AJAP1: variants seen among roughly 807,000 people sequenced by gnomAD.
The protein encoded by AJAP1 is adherens junctions associated protein 1.
A neutral mutation model predicts 35.0 loss-of-function variants in AJAP1; 5 were observed. The ratio of observed to expected loss-of-function variants is 0.14; its 90% CI spans 0.07 to 0.30. The LOEUF (loss-of-function observed/expected upper bound fraction) is 0.30, where lower values mean the gene tolerates loss of function less well. AJAP1 is among the 10% of genes least tolerant of loss of function. The pLI is 1.00. For missense variants in AJAP1, 586 were observed against 571.0 expected (o/e 1.03, Z -0.27); for synonymous variants, 284 against 249.3 (o/e 1.14, Z -1.31).
intron 2 of AJAP1, among the ~76,000 whole-genome samples, chr1:4,719,587 C>A (rs1398469997): frequency 6.6e-6 from 1 of 152,106 alleles, no homozygotes; most frequent in Non-Finnish European, 1.5e-5. Flanking sequence ...GTAGGCAGAG[C>A]TCCTGCAGGC....
At chr1:4,668,667 G>T (rs1326884705) in intron 1 of AJAP1, among the ~76,000 whole-genome samples, 2 of 152,192 alleles carry the variant, frequency 1.3e-5, no homozygotes, top group African/African-American at 4.8e-5. Flanking sequence ...TCAGTCCTGG[G>T]ACGGGGATTC....
chr1:4,766,412 C>T (rs921368358), intron 2 of AJAP1, among the ~76,000 whole-genome samples: 6 of 152,244 alleles, frequency 3.9e-5, no homozygotes, highest in South Asian at 2.1e-4. Flanking sequence ...AAACACCACA[C>T]GACTTCTCCC....
intron 3 of AJAP1, 97 bp from the exon 4 acceptor site, chr1:4,772,183 C>T (rs996832376): frequency 4.0e-6 from 6 of 1,507,182 alleles, no homozygotes; most frequent in Non-Finnish European, 5.4e-6. Flanking sequence ...GCGTAGCTCA[C>T]GCCTGCAAGC....
chr1:4,693,511 C>CGA lies in AJAP1; in HGVS notation c.30-18389_30-18388insGA, dbSNP rs1639790305. 6.6e-6 allele frequency among the ~76,000 whole-genome samples: 1 copy of CGA among 152,134 alleles called. No homozygotes were observed. The highest frequency in any genetic ancestry group is 1.5e-5 in the Non-Finnish European group (1 of 68,026). On this transcript the variant is annotated intron_variant, in intron 1 of 5. Transcript: ENST00000378191. The surrounding 1 kb of genome is among the most constrained non-coding windows in gnomAD (Gnocchi z 4.4). Reference sequence around the variant, plus strand: ...CCAGCTGGCTGCAGAATGGCCCTTCCTCCCCACGTGGGGCTGACAGCCTGT... The same window carrying CGA: ...CCAGCTGGCTGCAGAATGGCCCTTCCGATCCCCACGTGGGGCTGACAGCCTGT...
chr1:4,712,482 C>T lies in AJAP1; in HGVS notation c.612C>T (p.Thr204=). The T allele has an allele frequency of 6.2e-7, 1 of 1,612,376 alleles. No individual in the cohort carries two copies. Among genetic ancestry groups the T allele is most frequent in the Non-Finnish European group, 8.5e-7 (1 of 1,179,438 alleles). The change falls in exon 2 of 6, where the codon ACC becomes ACT. Residue 204 remains threonine (T), a synonymous_variant. Transcript: ENST00000378191. ...SNTFPGVYGP[T]TVSILQTRKT... ...CATTTCCGGGCGTTTACGGCCCCAC[C>T]ACGGTCTCCATCCTACAAACACGGA...
chr1:4,678,034 G>A (rs1639399690), intron 1 of AJAP1, among the ~76,000 whole-genome samples: 1 of 152,184 alleles, frequency 6.6e-6, no homozygotes, highest in Non-Finnish European at 1.5e-5. Context: ...CAGTGGGGTG[G>A]GTTGATGCAT....
chr1:4,764,109 C>A (rs986669878), intron 2 of AJAP1, among the ~76,000 whole-genome samples: 1 of 152,102 alleles, frequency 6.6e-6, no homozygotes, highest in African/African-American at 2.4e-5. Flanking sequence ...AGACAGAAGA[C>A]CATGGGATTT....
intron 2 of AJAP1, among the ~76,000 whole-genome samples, chr1:4,764,771 G>T (rs143841020): frequency 0.014 from 2,106 of 152,188 alleles, 46 homozygotes; most frequent in African/African-American, 0.048. Context: ...CATCACTCCC[G>T]CCATCATCCA....
chr1:4,764,213 T>C (rs988830102), intron 2 of AJAP1, among the ~76,000 whole-genome samples: 1 of 152,240 alleles, frequency 6.6e-6, no homozygotes, highest in African/African-American at 2.4e-5. Flanking sequence ...TGGAGAACCC[T>C]GACGAATACA....
intron 2 of AJAP1, among the ~76,000 whole-genome samples, chr1:4,725,881 C>T (rs1002411523): frequency 6.6e-6 from 1 of 152,196 alleles, no homozygotes; most frequent in Non-Finnish European, 1.5e-5. Flanking sequence ...GATTAGAGTC[C>T]ACCCTAATGA....
At chr1:4,760,713 A>G (rs944249002) in intron 2 of AJAP1, among the ~76,000 whole-genome samples, 1 of 152,230 alleles carries the variant, frequency 6.6e-6, no homozygotes, top group Non-Finnish European at 1.5e-5. Context: ...CATAGTCATT[A>G]TATTCAATTC....
At chr1:4,674,765 G>C (rs1180436455) in intron 1 of AJAP1, among the ~76,000 whole-genome samples, 5 of 152,222 alleles carry the variant, frequency 3.3e-5, no homozygotes, top group African/African-American at 9.6e-5. Context: ...AGAGTGAGCA[G>C]GCAGCATTCT....
At chr1:4,748,816 C>A (rs1044593759) in intron 2 of AJAP1, among the ~76,000 whole-genome samples, 3 of 151,666 alleles carry the variant, frequency 2.0e-5, no homozygotes, top group Admixed American at 1.3e-4. Context: ...GACAGGGCAC[C>A]CTGGAGTCTT....
chr1:4,736,368 G>A lies in AJAP1; in HGVS notation c.829+23669G>A, dbSNP rs536578693. Among the ~76,000 whole-genome samples, 137 of 152,294 alleles carry A rather than the reference G, an allele frequency of 9.0e-4. 5 individuals are homozygous for A. In the South Asian group the frequency reaches 0.027, roughly 30 times the overall value. The stretch of plus-strand genomic sequence containing the variant: ...CCTGTTGCCCGCTGCGCTGTGCGCA[G>A]CCCTCCCTTTCCCACGGTCTTGGCT... On this transcript the variant is annotated intron_variant, in intron 2 of 5. Transcript: ENST00000378191.
chr1:4,778,571 A>ATCTC (rs141390632), intron 5 of AJAP1, among the ~76,000 whole-genome samples: 7,242 of 142,594 alleles, frequency 0.051, 202 homozygotes, highest in South Asian at 0.11. Context: ...GATTGGCGCC[A>ATCTC]TCTCTCTCTC....
chr1:4,672,218 A>G (rs183631522), intron 1 of AJAP1, among the ~76,000 whole-genome samples: 1 of 152,280 alleles, frequency 6.6e-6, no homozygotes, highest in African/African-American at 2.4e-5. Flanking sequence ...CTTTATTGCC[A>G]CCAAATGTCA....
Position 4,737,564 on chromosome 1 carries a change from A to T in AJAP1, c.829+24865A>T, listed in dbSNP as rs139707135. On this transcript the variant is annotated intron_variant, in intron 2 of 5. Transcript: ENST00000378191. ...CTGCATAGGCAGGGCCAGGGTGCCC[A>T]GGTCCCAGACTCCTGAGGCCCTTGT... 7.6e-4 allele frequency among the ~76,000 whole-genome samples: 116 copies of T among 151,820 alleles called. 1 individual carries two copies. The East Asian group carries it at 0.015, about 20-fold the overall frequency.
intron 2 of AJAP1, among the ~76,000 whole-genome samples, chr1:4,766,474 TGAA>T (rs1641687708): frequency 6.6e-6 from 1 of 152,208 alleles, no homozygotes; most frequent in African/African-American, 2.4e-5. Flanking sequence ...GAGGAAATAA[TGAA>T]GAACCCTTAT....
chr1:4,782,729 G>A lies in AJAP1; in HGVS notation c.*244G>A, dbSNP rs993221685. Reference sequence around the variant, plus strand: ...TGTAAAAATGCTCATGCCTATGGGTGACTGCCTTCTCCCAGAGTTTTCTTT... The same window carrying A: ...TGTAAAAATGCTCATGCCTATGGGTAACTGCCTTCTCCCAGAGTTTTCTTT... On this transcript the variant is annotated 3_prime_UTR_variant, in exon 6 of 6. Coordinates refer to ENST00000378191, the MANE Select transcript of AJAP1 (RefSeq NM_018836.4). This position sits in a 1 kb window ranked among gnomAD's most constrained non-coding sequence, Gnocchi z 5.3. 5.0e-6 allele frequency: 2 copies of A among 398,608 alleles called. No individual in the cohort carries two copies. The highest frequency in any genetic ancestry group is 8.8e-6 in the Non-Finnish European group (2 of 226,068). 24.7% of individuals were successfully genotyped at this position (398,608 alleles called of 1,614,324 possible). A position where few individuals can be genotyped will look rare whatever the true frequency, so the allele number is the denominator to read the frequency against.
Sources: gnomAD v4.1 joint callset for allele counts (sites outside exome capture counted in the v4.1 genomes callset) on GRCh38, gnomAD v4.1.1 for gene constraint, Gnocchi (gnomAD v3.1) non-coding constraint, MANE v1.5 for transcripts, NCBI Gene and HGNC (gene_info 2026-07-23, HGNC 2026-07-21) for gene names.